MBD5: variants seen among roughly 807,000 people sequenced by gnomAD.
MBD5 encodes methyl-CpG-binding domain protein 5.
MBD5 carries 13 observed loss-of-function variants against 117.3 expected under a neutral mutation model. That is an observed-to-expected ratio of 0.11 (90% confidence interval 0.07 to 0.18). The LOEUF (loss-of-function observed/expected upper bound fraction) is 0.18. MBD5 is among the 10% of genes least tolerant of loss of function. The pLI is 1.00. For missense variants in MBD5, 1,879 were observed against 2,093.8 expected (o/e 0.90, Z 2.00); for synonymous variants, 727 against 766.4 (o/e 0.95, Z 0.85).
At position 148,490,381 on chromosome 2, in the gene MBD5, T is replaced by C. The variant is rs1057523104; in HGVS notation, c.4749T>C (p.Pro1583=). ...CCAAAAGCGTTAATGGGTGTGTGCCTAGCCCTTCAGATGCTAAAAGCATTA... is the reference window on the plus strand; with the variant it reads ...CCAAAAGCGTTAATGGGTGTGTGCCCAGCCCTTCAGATGCTAAAAGCATTA... ...FNAKSVNGCV[P]SPSDAKSISS... Residue 1583 remains proline, a synonymous_variant, in exon 11 of 14, where the codon CCT becomes CCC. Coordinates refer to ENST00000642680, the MANE Select transcript of MBD5 (RefSeq NM_001378120.1). 3 of 1,614,176 alleles carry C rather than the reference T, an allele frequency of 1.9e-6. No homozygotes were observed. The highest frequency in any genetic ancestry group is 1.7e-5 in the Admixed American group (1 of 60,024).
chr2:148,036,051 T>G (rs150784350), intron 1 of MBD5, among the ~76,000 whole-genome samples: 1 of 152,218 alleles, frequency 6.6e-6, no homozygotes, highest in South Asian at 2.1e-4. Flanking sequence ...CTATTTATAG[T>G]TCTTTGAAAT....
chr2:148,086,141 T>C (rs940249088), intron 1 of MBD5, among the ~76,000 whole-genome samples: 3 of 152,062 alleles, frequency 2.0e-5, no homozygotes, highest in African/African-American at 7.2e-5. Flanking sequence ...ATATAGCCTT[T>C]CTAAAATTAA....
chr2:148,373,965 G>T (rs527372100), intron 4 of MBD5, among the ~76,000 whole-genome samples: 14 of 151,962 alleles, frequency 9.2e-5, no homozygotes, highest in African/African-American at 3.4e-4. Flanking sequence ...CAGAAACTTA[G>T]CCCAATATAA....
At chr2:148,473,891 T>C (rs929218252) in intron 8 of MBD5, among the ~76,000 whole-genome samples, 1 of 152,216 alleles carries the variant, frequency 6.6e-6, no homozygotes, top group Non-Finnish European at 1.5e-5. Context: ...AGTTTTCCAC[T>C]GGCTTTTTCA....
At chr2:148,268,251 T>C (rs1700904943) in intron 3 of MBD5, among the ~76,000 whole-genome samples, 1 of 152,072 alleles carries the variant, frequency 6.6e-6, no homozygotes. Context: ...CCCTTCCTTC[T>C]TTTTCCTTTT....
chr2:148,172,272 C>G (rs915107761), intron 1 of MBD5, among the ~76,000 whole-genome samples: 7 of 152,238 alleles, frequency 4.6e-5, no homozygotes, highest in Non-Finnish European at 1.0e-4. Flanking sequence ...CCACCCTGCC[C>G]CTGCAGGCTC....
At chr2:148,367,396 C>G (rs1574340847) in intron 4 of MBD5, among the ~76,000 whole-genome samples, 1 of 152,280 alleles carries the variant, frequency 6.6e-6, no homozygotes, top group Non-Finnish European at 1.5e-5. Flanking sequence ...CTAGGCAATA[C>G]CATTCAGGAC....
At chr2:148,309,939 G>A (rs1701989447) in intron 3 of MBD5, among the ~76,000 whole-genome samples, 1 of 152,120 alleles carries the variant, frequency 6.6e-6, no homozygotes, top group Non-Finnish European at 1.5e-5. Context: ...TTTAAGTGAT[G>A]GATTATGTTT....
intron 2 of MBD5, among the ~76,000 whole-genome samples, chr2:148,197,189 C>A (rs1179783815): frequency 6.6e-6 from 1 of 152,106 alleles, no homozygotes; most frequent in Non-Finnish European, 1.5e-5. Flanking sequence ...TCTCAGAATA[C>A]TCACCCTTGA....
intron 2 of MBD5, among the ~76,000 whole-genome samples, chr2:148,214,968 G>A (rs149746426): frequency 2.4e-4 from 36 of 152,252 alleles, no homozygotes; most frequent in Non-Finnish European, 3.5e-4. Flanking sequence ...TGTCATTGTG[G>A]TAGTTAGTAG....
Position 148,152,160 on chromosome 2 carries a change from C to G in MBD5, c.-924-26540C>G, listed in dbSNP as rs185408430. On this transcript the variant is annotated intron_variant, in intron 1 of 13. Transcript: ENST00000642680. ...GTTGTGTCTTTGTTCTCGTTGGTTT[C>G]AAAAACATCTTTATTTCTGCCTTCA... Among the ~76,000 whole-genome samples the G allele has an allele frequency of 5.6e-4, 85 of 152,230 alleles. 1 individual carries two copies. In the East Asian group the frequency reaches 0.016, roughly 28 times the overall value.
chr2:148,230,190 G>A (rs1470957387), intron 2 of MBD5, among the ~76,000 whole-genome samples: 2 of 152,108 alleles, frequency 1.3e-5, no homozygotes, highest in African/African-American at 4.8e-5. Context: ...CAGGAGCCAG[G>A]GACTAGAGTA....
intron 3 of MBD5, among the ~76,000 whole-genome samples, chr2:148,284,096 AT>A (rs1423281409): frequency 2.0e-5 from 3 of 152,032 alleles, no homozygotes; most frequent in Admixed American, 1.3e-4. Context: ...TATATATACT[AT>A]TTTGCCCTTG....
rs1291666635 is a variant in MBD5, at chr2:148,424,004, C to A, written c.-556-34199C>A. ...CCATCCTGGCTAACACAGTGAAACC[C>A]CATCTCTACTAAAAATACAAAAAAT... On this transcript the variant is annotated intron_variant, in intron 4 of 13. Coordinates refer to ENST00000642680, the MANE Select transcript of MBD5 (RefSeq NM_001378120.1). 2.3e-4 allele frequency among the ~76,000 whole-genome samples: 34 copies of A among 150,954 alleles called. 1 individual carries two copies. Among genetic ancestry groups the A allele is most frequent in the African/African-American group, 8.3e-4 (34 of 41,150 alleles).
intron 4 of MBD5, among the ~76,000 whole-genome samples, chr2:148,422,460 A>G (rs1327755025): frequency 1.3e-5 from 2 of 152,204 alleles, no homozygotes; most frequent in East Asian, 3.8e-4. Context: ...AGGTAGATAA[A>G]TCCACGAAGA....
At chr2:148,204,162 C>T (rs187273232) in intron 2 of MBD5, among the ~76,000 whole-genome samples, 1 of 152,096 alleles carries the variant, frequency 6.6e-6, no homozygotes, top group Non-Finnish European at 1.5e-5. Flanking sequence ...GAAAAGACAT[C>T]ATGAAACAAT....
intron 8 of MBD5, among the ~76,000 whole-genome samples, chr2:148,474,844 A>C (rs59893279): frequency 0.017 from 2,598 of 152,266 alleles, 75 homozygotes; most frequent in African/African-American, 0.058. Context: ...ACAAAAGAAC[A>C]CTTTGGGTAA....
At chr2:148,244,618 C>A (rs79745937) in intron 3 of MBD5, among the ~76,000 whole-genome samples, 15,202 of 152,182 alleles carry the variant, frequency 0.1, 810 homozygotes, top group South Asian at 0.16. Flanking sequence ...AAAAAGTATT[C>A]ATTCAACAAA....
At chr2:148,393,747 C>T (rs1019922166) in intron 4 of MBD5, among the ~76,000 whole-genome samples, 1 of 152,114 alleles carries the variant, frequency 6.6e-6, no homozygotes, top group Admixed American at 6.5e-5. Flanking sequence ...AGTTTACCAA[C>T]TTTGATAGAC....
Sources: gnomAD v4.1 joint callset for allele counts (sites outside exome capture counted in the v4.1 genomes callset) on GRCh38, gnomAD v4.1.1 for gene constraint, MANE v1.5 for transcripts, NCBI Gene and HGNC (gene_info 2026-07-23, HGNC 2026-07-21) for gene names.